MAML2: variants seen among roughly 807,000 people sequenced by gnomAD.
MAML2 encodes the protein mastermind-like protein 2.
MAML2 carries 22 observed loss-of-function variants against 96.1 expected under a neutral mutation model. That is an observed-to-expected ratio of 0.23 (90% CI 0.16 to 0.33). The LOEUF is 0.33. MAML2 is among the 10% of genes least tolerant of loss of function. The probability of loss-of-function intolerance (pLI) is 1.00; values close to 1 mark genes in which losing one functional copy is unlikely to be tolerated. For missense variants in MAML2, 1,367 were observed against 1,392.4 expected (o/e 0.98, Z 0.29); for synonymous variants, 561 against 521.3 (o/e 1.08, Z -1.04).
chr11:95,999,833 G>T (rs540618850), intron 2 of MAML2, among the ~76,000 whole-genome samples: 1 of 152,146 alleles, frequency 6.6e-6, no homozygotes, highest in African/African-American at 2.4e-5. Context: ...AGCTGGGCAA[G>T]TCTGTACAGT....
At position 95,978,503 on chromosome 11, in the gene MAML2, C is replaced by T. The variant is rs186220632; in HGVS notation, c.*445G>A. ...GCTTCAGGAAAATTAAATGAAAAGA[C>T]ACAATGGAAAGATTAAACCATACCT... On this transcript the variant is annotated 3_prime_UTR_variant, in exon 5 of 5. Coordinates refer to ENST00000524717, the MANE Select transcript of MAML2 (RefSeq NM_032427.4). 3.6e-4 allele frequency: 76 copies of T among 209,608 alleles called. No individual in the cohort carries two copies. The highest frequency in any genetic ancestry group is 1.7e-3 in the African/African-American group (73 of 44,144). 13.0% of individuals were successfully genotyped at this position (209,608 alleles called of 1,614,324 possible). A position where few individuals can be genotyped will look rare whatever the true frequency, so the allele number is the denominator to read the frequency against.
chr11:96,317,005 C>T (rs1408616020), intron 1 of MAML2, among the ~76,000 whole-genome samples: 1 of 152,302 alleles, frequency 6.6e-6, no homozygotes, highest in Middle Eastern at 3.4e-3. Flanking sequence ...AAGAGTTAAG[C>T]ACTCAGTGTC....
chr11:96,291,962 G>A (rs1863219117), intron 1 of MAML2, among the ~76,000 whole-genome samples: 1 of 152,182 alleles, frequency 6.6e-6, no homozygotes, highest in African/African-American at 2.4e-5. Flanking sequence ...TGCAGCATGT[G>A]AGTCTCCATT....
intron 3 of MAML2, among the ~76,000 whole-genome samples, chr11:95,990,782 T>C (rs1335039944): frequency 3.3e-5 from 5 of 152,164 alleles, no homozygotes; most frequent in Non-Finnish European, 7.4e-5. Context: ...TTAGCTCTAA[T>C]TCACCTGGAG....
At position 95,977,567 on chromosome 11, in the gene MAML2, GA is replaced by G; in HGVS notation, c.*1380del. 9.6e-6 allele frequency: 2 copies of G among 207,722 alleles called. No homozygotes were observed. Among genetic ancestry groups the G allele is most frequent in the African/African-American group, 2.3e-5 (1 of 44,124 alleles). The allele number at this position is 207,722 out of a possible 1,614,324, so 12.9% of individuals were successfully genotyped here. A position where few individuals can be genotyped will look rare whatever the true frequency, so the allele number is the denominator to read the frequency against. ...ATAACCTTTGCTCCTCTGTAATTAG[GA>G]AAATGATAGTGATATTTTGCATTCA... On this transcript the variant is annotated 3_prime_UTR_variant, in exon 5 of 5. Coordinates refer to ENST00000524717, the MANE Select transcript of MAML2 (RefSeq NM_032427.4).
chr11:96,006,027 G>A (rs908415871), intron 2 of MAML2, among the ~76,000 whole-genome samples: 4 of 152,240 alleles, frequency 2.6e-5, no homozygotes, highest in Middle Eastern at 6.8e-3. Context: ...CTTCCAATGT[G>A]TTTGTGTAGT....
At chr11:96,034,926 G>T (rs1170837985) in intron 2 of MAML2, among the ~76,000 whole-genome samples, 1 of 152,106 alleles carries the variant, frequency 6.6e-6, no homozygotes, top group South Asian at 2.1e-4. Flanking sequence ...TTAGTCACAT[G>T]GGGAAGCATA....
At chr11:96,245,218 T>C (rs1007870341) in intron 1 of MAML2, among the ~76,000 whole-genome samples, 8 of 138,966 alleles carry the variant, frequency 5.8e-5, no homozygotes, top group African/African-American at 1.5e-4. Flanking sequence ...CATCCTTCTT[T>C]TTTTTTTTTT....
intron 1 of MAML2, among the ~76,000 whole-genome samples, chr11:96,182,500 A>G (rs1861502340): frequency 6.6e-6 from 1 of 152,284 alleles, no homozygotes; most frequent in Middle Eastern, 3.4e-3. Context: ...GGGTATTGCT[A>G]CTAGATGTAG....
At chr11:96,024,333 A>G (rs181646071) in intron 2 of MAML2, among the ~76,000 whole-genome samples, 6 of 152,372 alleles carry the variant, frequency 3.9e-5, no homozygotes, top group Admixed American at 1.3e-4. Context: ...CTATGCCTCA[A>G]TTTCCCTCTA....
chr11:96,250,105 G>T (rs765769451), intron 1 of MAML2, among the ~76,000 whole-genome samples: 3 of 152,004 alleles, frequency 2.0e-5, no homozygotes, highest in Admixed American at 6.6e-5. Flanking sequence ...CTGCAGGCCC[G>T]CTCTGCATGA....
At chr11:96,056,929 T>C (rs1005434663) in intron 2 of MAML2, among the ~76,000 whole-genome samples, 2 of 152,210 alleles carry the variant, frequency 1.3e-5, no homozygotes, top group African/African-American at 2.4e-5. Context: ...TTAATTGTAT[T>C]CTAAGAATAC....
At chr11:96,006,255 C>G in intron 2 of MAML2, among the ~76,000 whole-genome samples, 1 of 152,164 alleles carries the variant, frequency 6.6e-6, no homozygotes, top group South Asian at 2.1e-4. Context: ...TCACTTGGAT[C>G]AAATCCCAGA....
chr11:96,013,687 C>T (rs534934860), intron 2 of MAML2, among the ~76,000 whole-genome samples: 7 of 152,290 alleles, frequency 4.6e-5, no homozygotes, highest in East Asian at 3.9e-4. Flanking sequence ...CAAGCACTGG[C>T]GCCTGCAGGC....
intron 1 of MAML2, among the ~76,000 whole-genome samples, chr11:96,326,164 A>G (rs963840189): frequency 1.4e-5 from 2 of 140,556 alleles, no homozygotes; most frequent in African/African-American, 5.4e-5. Context: ...AGGACCCAAC[A>G]CAAGACCCAA....
chr11:96,223,038 T>C (rs913210795), intron 1 of MAML2, among the ~76,000 whole-genome samples: 1 of 152,136 alleles, frequency 6.6e-6, no homozygotes, highest in Admixed American at 6.6e-5. Flanking sequence ...TACTTTACAT[T>C]TTTGATGAAA....
intron 1 of MAML2, among the ~76,000 whole-genome samples, chr11:96,252,473 T>C (rs970906535): frequency 4.9e-5 from 7 of 142,826 alleles, no homozygotes; most frequent in Admixed American, 3.8e-4. Context: ...GTCACGAGGC[T>C]GGAGTGCAGT....
At chr11:96,181,781 AG>A (rs1861490519) in intron 1 of MAML2, among the ~76,000 whole-genome samples, 1 of 151,764 alleles carries the variant, frequency 6.6e-6, no homozygotes, top group Admixed American at 6.6e-5. Context: ...CTGATACTGA[AG>A]ATACTGAGTA....
chr11:96,317,488 A>T (rs1863647265), intron 1 of MAML2, among the ~76,000 whole-genome samples: 1 of 152,218 alleles, frequency 6.6e-6, no homozygotes, highest in Non-Finnish European at 1.5e-5. Context: ...TTCAAATACC[A>T]GATGTCTTCA....
Sources: gnomAD v4.1 joint callset for allele counts (sites outside exome capture counted in the v4.1 genomes callset) on GRCh38, gnomAD v4.1.1 for gene constraint, MANE v1.5 for transcripts, NCBI Gene and HGNC (gene_info 2026-07-23, HGNC 2026-07-21) for gene names.